KIF26B: variants seen among roughly 807,000 people sequenced by gnomAD.
KIF26B encodes kinesin-like protein KIF26B.
In KIF26B, 63 loss-of-function variants were observed where a neutral mutation model predicts 151.2. The observed-to-expected ratio is 0.42, with a 90% CI of 0.34 to 0.51. The LOEUF (loss-of-function observed/expected upper bound fraction) is 0.51, where lower values mean the gene tolerates loss of function less well. KIF26B is among the 20% of genes least tolerant of loss of function. The pLI, the probability that KIF26B is intolerant of heterozygous loss-of-function variation, is 0.07. For synonymous variants in KIF26B, 1,357 were observed against 1,262.1 expected, an observed-to-expected ratio of 1.08 and a Z score of -1.59; for missense variants, 2,813 against 2,913.6, an observed-to-expected ratio of 0.97 and a Z score of 0.79.
Position 245,693,035 on chromosome 1 carries a change from C to T in KIF26B, c.5824+4228C>T, listed in dbSNP as rs983769004. On this transcript the variant is annotated intron_variant, in intron 12 of 14. Coordinates refer to ENST00000407071, the MANE Select transcript of KIF26B (RefSeq NM_018012.4). ...TGAGCCCCCAGTCCTCGCGCTCCCC[C>T]GTCCCCTATCATCCATTATATGTTA... Among the ~76,000 whole-genome samples the T allele has an allele frequency of 4.6e-5, 7 of 152,192 alleles. No homozygotes were observed. In the South Asian group the frequency reaches 6.2e-4, roughly 14 times the overall value.
At chr1:245,487,764 A>ATTTT (rs11413237) in intron 4 of KIF26B, among the ~76,000 whole-genome samples, 1 of 132,654 alleles carries the variant, frequency 7.5e-6, no homozygotes, top group Non-Finnish European at 1.6e-5. Context: ...CATCCAGCTA[A>ATTTT]TTTTTTTTTT....
intron 2 of KIF26B, among the ~76,000 whole-genome samples, chr1:245,298,632 A>G (rs1447494153): frequency 6.6e-6 from 1 of 152,250 alleles, no homozygotes; most frequent in African/African-American, 2.4e-5. Context: ...ACACCTAAAA[A>G]TGGTTAAATT....
chr1:245,251,008 G>A (rs1670433586), intron 2 of KIF26B, among the ~76,000 whole-genome samples: 1 of 152,172 alleles, frequency 6.6e-6, no homozygotes, highest in African/African-American at 2.4e-5. Context: ...CCACGTGCAA[G>A]CTTCCAAGAG....
At chr1:245,521,467 A>G (rs1661109009) in intron 4 of KIF26B, among the ~76,000 whole-genome samples, 1 of 152,152 alleles carries the variant, frequency 6.6e-6, no homozygotes, top group African/African-American at 2.4e-5. Context: ...ATATTTAGAT[A>G]CTTATACATC....
At chr1:245,340,865 C>T (rs914137605) in intron 2 of KIF26B, among the ~76,000 whole-genome samples, 1 of 152,112 alleles carries the variant, frequency 6.6e-6, no homozygotes, top group Non-Finnish European at 1.5e-5. Context: ...GTTTCAGCCA[C>T]GATCTAAGGG....
At chr1:245,338,984 G>GGTT (rs1553348303) in intron 2 of KIF26B, among the ~76,000 whole-genome samples, 12 of 140,960 alleles carry the variant, frequency 8.5e-5, no homozygotes, top group Non-Finnish European at 7.8e-5. Flanking sequence ...TGCTTTTAGG[G>GGTT]TTTTTTTTTT....
At chr1:245,485,384 C>A (rs1170011092) in intron 4 of KIF26B, among the ~76,000 whole-genome samples, 3 of 62,546 alleles carry the variant, frequency 4.8e-5, no homozygotes, top group Non-Finnish European at 9.2e-5. Flanking sequence ...TTCCTAGCAT[C>A]ATTTTTTTTT....
In KIF26B at chr1:245,698,315, C is replaced by T; in HGVS notation, c.6027+7C>T. 6.2e-7 allele frequency: 1 copy of T among 1,611,024 alleles called. No homozygotes were observed. Among genetic ancestry groups the T allele is most frequent in the Non-Finnish European group, 8.5e-7 (1 of 1,179,068 alleles). ...ACGAGGGGGTGCCAGCAAGGTGAGG[C>T]AGCCTCCTTCCCACCCCCTGCCTAC... On this transcript the variant is annotated splice_region_variant and intron_variant, in intron 13 of 14. Transcript: ENST00000407071. This position sits in a 1 kb window ranked among gnomAD's most constrained non-coding sequence, Gnocchi z 4.0.
chr1:245,324,477 C>T (rs1213179740), intron 2 of KIF26B, among the ~76,000 whole-genome samples: 3 of 152,148 alleles, frequency 2.0e-5, no homozygotes, highest in Non-Finnish European at 4.4e-5. Context: ...CTGCCAGAGG[C>T]TCGGGAATCT....
At chr1:245,163,488 G>A (rs1360311550) in intron 2 of KIF26B, among the ~76,000 whole-genome samples, 2 of 152,098 alleles carry the variant, frequency 1.3e-5, no homozygotes, top group Non-Finnish European at 2.9e-5. Context: ...TTCATGTTTG[G>A]CAGGGCTAGC....
At chr1:245,161,128 A>G (rs2103517397) in intron 2 of KIF26B, among the ~76,000 whole-genome samples, 1 of 152,366 alleles carries the variant, frequency 6.6e-6, no homozygotes, top group South Asian at 2.1e-4. Flanking sequence ...AGTATTTTAG[A>G]TAAAGGAGCA....
intron 9 of KIF26B, among the ~76,000 whole-genome samples, chr1:245,624,503 G>A (rs1007490740): frequency 1.3e-5 from 2 of 152,146 alleles, no homozygotes; most frequent in Admixed American, 6.5e-5. Context: ...TTTGCACTTC[G>A]CTAATGACCA....
intron 2 of KIF26B, among the ~76,000 whole-genome samples, chr1:245,327,526 G>C (rs1672014667): frequency 1.3e-5 from 2 of 152,298 alleles, no homozygotes; most frequent in South Asian, 4.2e-4. Flanking sequence ...GTCAGAGGAG[G>C]CAGCGGAAGT....
intron 2 of KIF26B, among the ~76,000 whole-genome samples, chr1:245,312,469 A>C (rs1471554738): frequency 1.3e-5 from 2 of 152,054 alleles, no homozygotes; most frequent in African/African-American, 4.8e-5. Context: ...ATGCGAGAGG[A>C]GGGGAGCTTA....
intron 9 of KIF26B, among the ~76,000 whole-genome samples, chr1:245,631,541 G>A (rs1245222525): frequency 6.6e-6 from 1 of 152,110 alleles, no homozygotes; most frequent in Non-Finnish European, 1.5e-5. Context: ...TTTTTTAGAT[G>A]ATTTTTGCAT....
intron 3 of KIF26B, among the ~76,000 whole-genome samples, chr1:245,417,892 A>C (rs1197364689): frequency 6.6e-6 from 1 of 152,196 alleles, no homozygotes; most frequent in Non-Finnish European, 1.5e-5. Flanking sequence ...GATGAGAAAT[A>C]TGGTAATGAA....
Position 245,698,645 on chromosome 1 carries a change from A to G in KIF26B, c.6028-242A>G, listed in dbSNP as rs1285810879. On this transcript the variant is annotated intron_variant, in intron 13 of 14. Coordinates refer to ENST00000407071, the MANE Select transcript of KIF26B (RefSeq NM_018012.4). This position sits in a 1 kb window ranked among gnomAD's most constrained non-coding sequence, Gnocchi z 4.0. ...CACCCACCACCTGCTTTCTCAACTT[A>G]AGAATGGCCTGTCATAGTCCAAAAA... Among the ~76,000 whole-genome samples, 1 of 151,226 alleles carries G rather than the reference A, an allele frequency of 6.6e-6. No individual in the cohort carries two copies. Among genetic ancestry groups the G allele is most frequent in the African/African-American group, 2.4e-5 (1 of 41,374 alleles).
At chr1:245,684,185 A>G in intron 10 of KIF26B, 48 bp from the exon 11 acceptor site, 1 of 1,585,888 alleles carries the variant, frequency 6.3e-7, no homozygotes, top group Non-Finnish European at 8.6e-7. Context: ...CCTGAGGGCC[A>G]CAGGGAAGCA....
chr1:245,587,582 C>G (rs889636829), intron 5 of KIF26B, among the ~76,000 whole-genome samples: 1 of 152,100 alleles, frequency 6.6e-6, no homozygotes, highest in African/African-American at 2.4e-5. Flanking sequence ...GTTTCTAAGT[C>G]CAAACAAGAT....
Sources: allele counts gnomAD v4.1 joint callset (sites outside exome capture counted in the v4.1 genomes callset), GRCh38; gene constraint gnomAD v4.1.1; non-coding constraint Gnocchi (gnomAD v3.1); transcripts MANE v1.5; gene names NCBI Gene and HGNC (gene_info 2026-07-23, HGNC 2026-07-21).